Variants in KCNAB1 observed in about 807,000 individuals in gnomAD.
KCNAB1 encodes voltage-gated potassium channel subunit beta-1.
KCNAB1 carries 35 observed loss-of-function variants against 64.6 expected under a neutral mutation model. That is an observed-to-expected ratio of 0.54 (90% CI 0.41 to 0.72). KCNAB1 has a LOEUF of 0.72. KCNAB1 is among the 30% of genes least tolerant of loss of function. KCNAB1 has a pLI of 0.00. For missense variants in KCNAB1, 401 were observed against 512.9 expected, an observed-to-expected ratio of 0.78 and a Z score of 2.11; for synonymous variants, 177 against 183.8, an observed-to-expected ratio of 0.96 and a Z score of 0.30.
intron 1 of KCNAB1, chr3:156,216,863 T>C (rs1232207413): frequency 6.6e-6 from 1 of 152,222 alleles, no homozygotes; most frequent in Admixed American, 6.5e-5. Flanking sequence ...AGCCCACATC[T>C]GTTTGTCCAG....
chr3:156,430,190 G>A (rs1001727738), intron 2 of KCNAB1, among the ~76,000 whole-genome samples: 1 of 152,236 alleles, frequency 6.6e-6, no homozygotes. Context: ...TCTATTAGGA[G>A]TGATGATATA....
intron 1 of KCNAB1, among the ~76,000 whole-genome samples, chr3:156,292,755 C>T (rs1720523760): frequency 6.6e-6 from 1 of 152,206 alleles, no homozygotes; most frequent in Non-Finnish European, 1.5e-5. Flanking sequence ...GTTGGCCAGG[C>T]TGGTCTCGAA....
At chr3:156,408,240 T>C (rs1038868838) in intron 1 of KCNAB1, among the ~76,000 whole-genome samples, 2 of 152,124 alleles carry the variant, frequency 1.3e-5, no homozygotes, top group Non-Finnish European at 2.9e-5. Flanking sequence ...CTTGTTTCTC[T>C]AGGGAATAGC....
intron 1 of KCNAB1, among the ~76,000 whole-genome samples, chr3:156,132,476 C>T (rs943566790): frequency 2.6e-5 from 4 of 152,166 alleles, no homozygotes; most frequent in African/African-American, 7.2e-5. Context: ...GGATGAGGCT[C>T]TTGGCAGCTC....
chr3:156,349,806 C>A (rs1724735257), intron 1 of KCNAB1, among the ~76,000 whole-genome samples: 1 of 152,234 alleles, frequency 6.6e-6, no homozygotes. Context: ...CTCCAGCAAT[C>A]CACCTGCGTC....
At chr3:156,126,225 G>C (rs1713648430) in intron 1 of KCNAB1, among the ~76,000 whole-genome samples, 1 of 152,172 alleles carries the variant, frequency 6.6e-6, no homozygotes, top group African/African-American at 2.4e-5. Flanking sequence ...GGATCTGGGA[G>C]TGTGGCCAGG....
intron 1 of KCNAB1, among the ~76,000 whole-genome samples, chr3:156,296,765 GC>G: frequency 6.6e-6 from 1 of 152,072 alleles, no homozygotes; most frequent in East Asian, 1.9e-4. Flanking sequence ...GAGCCACCGT[GC>G]CCGGCCAACT....
chr3:156,199,053 A>C (rs1165339445), intron 1 of KCNAB1, among the ~76,000 whole-genome samples: 1 of 148,580 alleles, frequency 6.7e-6, no homozygotes, highest in Non-Finnish European at 1.5e-5. Context: ...TCTGTAAAGG[A>C]TTTTATTTCT....
chr3:156,399,719 T>C (rs560844610), intron 1 of KCNAB1, among the ~76,000 whole-genome samples: 4 of 152,302 alleles, frequency 2.6e-5, no homozygotes, highest in South Asian at 4.1e-4. Flanking sequence ...CTTGATGAAC[T>C]GAATCTGCTT....
intron 1 of KCNAB1, chr3:156,218,038 T>G (rs1400013954): frequency 6.6e-6 from 1 of 152,232 alleles, no homozygotes; most frequent in Non-Finnish European, 1.5e-5. Flanking sequence ...GCAGGCTCCC[T>G]GAAATGTGGA....
At chr3:156,283,920 C>T (rs1311718367) in intron 1 of KCNAB1, among the ~76,000 whole-genome samples, 31 of 151,192 alleles carry the variant, frequency 2.1e-4, no homozygotes, top group African/African-American at 5.3e-4. Flanking sequence ...AATGTCCTCC[C>T]GTAGCTCAGA....
intron 7 of KCNAB1, among the ~76,000 whole-genome samples, chr3:156,469,910 G>A (rs1025514487): frequency 6.6e-6 from 1 of 152,172 alleles, no homozygotes; most frequent in Admixed American, 6.5e-5. Context: ...TTATCCTTGG[G>A]TTTCATTGGT....
chr3:156,165,010 G>T (rs2108315469), intron 1 of KCNAB1, among the ~76,000 whole-genome samples: 1 of 152,274 alleles, frequency 6.6e-6, no homozygotes, highest in African/African-American at 2.4e-5. Flanking sequence ...GGGCGCGGTG[G>T]CTCAACGCCT....
chr3:156,167,241 A>T (rs888617683), intron 1 of KCNAB1, among the ~76,000 whole-genome samples: 5 of 152,086 alleles, frequency 3.3e-5, no homozygotes, highest in African/African-American at 4.8e-5. Flanking sequence ...GAGGGTGTGG[A>T]TGTGTGGGCT....
intron 8 of KCNAB1, among the ~76,000 whole-genome samples, chr3:156,512,926 C>T (rs1717306774): frequency 6.6e-6 from 1 of 152,060 alleles, no homozygotes; most frequent in African/African-American, 2.4e-5. Flanking sequence ...AAATAGTTTA[C>T]AGAAGGACGG....
In KCNAB1 at chr3:156,292,075, G is replaced by GCAT. The variant is rs756986490; in HGVS notation, c.276-129538_276-129536dup. ...GCAGCCTGGGGACGTTCACGCCTCA[G>GCAT]CATCACATTTCTCTCAAAGAGTCCA... is the stretch of plus-strand genomic sequence containing the variant. On this transcript the variant is annotated intron_variant, in intron 1 of 13. Transcript: ENST00000490337. The GCAT allele has an allele frequency of 5.0e-6, 8 of 1,614,150 alleles. No homozygotes were observed. In the South Asian group the frequency reaches 8.8e-5, roughly 18 times the overall value.
intron 1 of KCNAB1, chr3:156,176,086 C>T: frequency 1.3e-6 from 1 of 769,878 alleles, no homozygotes; most frequent in South Asian, 1.3e-5. Context: ...GTGCACATTT[C>T]CTTGAACTAT....
intron 8 of KCNAB1, among the ~76,000 whole-genome samples, chr3:156,483,873 T>G (rs549420716): frequency 1.3e-5 from 2 of 152,114 alleles, no homozygotes; most frequent in Non-Finnish European, 2.9e-5. Context: ...CTGGGTTCCA[T>G]AGAAAGAACA....
At chr3:156,353,132 G>A (rs533210961) in intron 1 of KCNAB1, among the ~76,000 whole-genome samples, 3 of 152,364 alleles carry the variant, frequency 2.0e-5, no homozygotes, top group East Asian at 3.9e-4. Flanking sequence ...TAAATTAGTA[G>A]TAGAGGTAAA....
Sources: allele counts gnomAD v4.1 joint callset (sites outside exome capture counted in the v4.1 genomes callset), GRCh38; gene constraint gnomAD v4.1.1; transcripts MANE v1.5; gene names NCBI Gene and HGNC (gene_info 2026-07-23, HGNC 2026-07-21).